SLC35G2: variants seen among roughly 807,000 people sequenced by gnomAD.
SLC35G2 encodes transmembrane protein 22.
Under a neutral mutation model 27.2 loss-of-function variants are expected in SLC35G2, and 20 were observed. That is an observed-to-expected ratio of 0.74 (90% CI 0.52 to 1.07). SLC35G2 has a LOEUF of 1.07. Among genes scored for constraint, SLC35G2 ranks in the 50% least tolerant of loss-of-function variants. The pLI, the probability that SLC35G2 is intolerant of heterozygous loss-of-function variation, is 0.00. For synonymous variants in SLC35G2, 148 were observed against 165.3 expected, an observed-to-expected ratio of 0.90 and a Z score of 0.80; for missense variants, 416 against 493.3, an observed-to-expected ratio of 0.84 and a Z score of 1.48.
intron 1 of SLC35G2, among the ~76,000 whole-genome samples, chr3:136,853,324 A>T (rs905577555): frequency 1.3e-5 from 2 of 151,778 alleles, no homozygotes; most frequent in Non-Finnish European, 2.9e-5. Context: ...AACTCCTCTC[A>T]AACTTCTGGC....
intron 1 of SLC35G2, chr3:136,820,538 A>G (rs1936429970): frequency 6.6e-6 from 1 of 152,196 alleles, no homozygotes; most frequent in Admixed American, 6.5e-5. Context: ...TGCATAACAG[A>G]TTTTATTACC....
intron 1 of SLC35G2, among the ~76,000 whole-genome samples, chr3:136,836,052 T>C (rs1450520860): frequency 6.6e-6 from 1 of 152,200 alleles, no homozygotes; most frequent in Non-Finnish European, 1.5e-5. Context: ...AAGATCTGGA[T>C]GCTAGGTGTG....
At chr3:136,822,972 T>TGAGGTTCTA (rs1399704468) in intron 1 of SLC35G2, among the ~76,000 whole-genome samples, 1 of 152,232 alleles carries the variant, frequency 6.6e-6, no homozygotes, top group Non-Finnish European at 1.5e-5. Context: ...TTTTATTTTT[T>TGAGGTTCTA]TGAGGCACCT....
Position 136,855,135 on chromosome 3 carries a change from A to T in SLC35G2, c.675A>T (p.Thr225=). The T allele has an allele frequency of 6.2e-7, 1 of 1,614,192 alleles. No homozygotes were observed. Among genetic ancestry groups the T allele is most frequent in the South Asian group, 1.1e-5 (1 of 91,084 alleles). Residue 225 remains threonine (T), a synonymous_variant, in exon 2 of 2, where the codon ACA becomes ACT. Transcript: ENST00000446465. ...DEKMAYVDMA[T]VVCSILGVCL... ...AAATGGCTTATGTTGACATGGCTAC[A>T]GTTGTTTGCAGCATCTTAGGTGTTT...
chr3:136,821,527 A>G (rs1469669465), intron 1 of SLC35G2, among the ~76,000 whole-genome samples: 3 of 152,074 alleles, frequency 2.0e-5, no homozygotes, highest in Non-Finnish European at 4.4e-5. Flanking sequence ...GCTCACTGCA[A>G]CCTCTGCCTC....
At chr3:136,849,291 G>C (rs375936514) in intron 1 of SLC35G2, among the ~76,000 whole-genome samples, 12 of 151,552 alleles carry the variant, frequency 7.9e-5, no homozygotes, top group Admixed American at 5.9e-4. Flanking sequence ...TTTTTATTGC[G>C]TGCTAAATAT....
At chr3:136,832,755 G>A (rs560397736) in intron 1 of SLC35G2, among the ~76,000 whole-genome samples, 4 of 152,190 alleles carry the variant, frequency 2.6e-5, no homozygotes, top group Admixed American at 6.5e-5. Flanking sequence ...TATAGAAACT[G>A]AGGAGAGTGG....
chr3:136,854,184 T>C (rs1266048368), intron 1 of SLC35G2, among the ~76,000 whole-genome samples: 2 of 152,064 alleles, frequency 1.3e-5, no homozygotes, highest in African/African-American at 2.4e-5. Context: ...GGTATAAAGA[T>C]AGAAGATAGA....
At chr3:136,839,661 A>G (rs778243992) in intron 1 of SLC35G2, among the ~76,000 whole-genome samples, 1 of 151,914 alleles carries the variant, frequency 6.6e-6, no homozygotes, top group African/African-American at 2.4e-5. Flanking sequence ...CTTTTCCCCT[A>G]TACCTTCTGC....
At chr3:136,849,840 C>T (rs1055890445) in intron 1 of SLC35G2, among the ~76,000 whole-genome samples, 1 of 151,846 alleles carries the variant, frequency 6.6e-6, no homozygotes, top group African/African-American at 2.4e-5. Context: ...CGTGGTGGCT[C>T]ATGCCTGTGA....
chr3:136,845,261 GAAT>G (rs1937321094), intron 1 of SLC35G2, among the ~76,000 whole-genome samples: 1 of 152,120 alleles, frequency 6.6e-6, no homozygotes, highest in Non-Finnish European at 1.5e-5. Context: ...TTTGTAATAG[GAAT>G]AAACAAAATG....
At chr3:136,821,510 G>C (rs1936455851) in intron 1 of SLC35G2, among the ~76,000 whole-genome samples, 1 of 152,076 alleles carries the variant, frequency 6.6e-6, no homozygotes, top group Admixed American at 6.6e-5. Flanking sequence ...GCAGTGACGT[G>C]CTCTCCGCTC....
intron 1 of SLC35G2, among the ~76,000 whole-genome samples, chr3:136,824,022 G>A (rs1031423546): frequency 1.3e-5 from 2 of 152,092 alleles, no homozygotes. Flanking sequence ...TGGAAAATGA[G>A]TTTACTGTAG....
intron 1 of SLC35G2, among the ~76,000 whole-genome samples, chr3:136,831,353 A>G (rs1356296289): frequency 6.6e-6 from 1 of 152,254 alleles, no homozygotes; most frequent in Non-Finnish European, 1.5e-5. Flanking sequence ...TCTCCAAAGC[A>G]TATCAGCTAA....
At chr3:136,825,570 G>A (rs1936565044) in intron 1 of SLC35G2, among the ~76,000 whole-genome samples, 1 of 152,100 alleles carries the variant, frequency 6.6e-6, no homozygotes, top group Non-Finnish European at 1.5e-5. Flanking sequence ...GCTGGGATAT[G>A]TTCCTTCTGT....
chr3:136,842,833 C>T (rs1041003541), intron 1 of SLC35G2: 2 of 152,206 alleles, frequency 1.3e-5, no homozygotes, highest in African/African-American at 4.8e-5. Flanking sequence ...GGCATGTTCC[C>T]TTTAGATGGT....
intron 1 of SLC35G2, among the ~76,000 whole-genome samples, chr3:136,829,276 C>T (rs1272491678): frequency 2.0e-5 from 3 of 151,786 alleles, no homozygotes; most frequent in Admixed American, 1.3e-4. Flanking sequence ...GGCTGGAGTG[C>T]AGTGGCGCCA....
intron 1 of SLC35G2, chr3:136,838,985 T>C (rs1054157435): frequency 1.3e-5 from 2 of 152,198 alleles, no homozygotes; most frequent in African/African-American, 4.8e-5. Flanking sequence ...ACATAAAAAA[T>C]CATGGAAATA....
chr3:136,845,189 G>T (rs764681786), intron 1 of SLC35G2, among the ~76,000 whole-genome samples: 6 of 152,176 alleles, frequency 3.9e-5, no homozygotes, highest in Non-Finnish European at 8.8e-5. Context: ...AGGATTATGA[G>T]TGATTTTTAT....
Sources: allele counts gnomAD v4.1 joint callset (sites outside exome capture counted in the v4.1 genomes callset), GRCh38; gene constraint gnomAD v4.1.1; transcripts MANE v1.5; gene names NCBI Gene and HGNC (gene_info 2026-07-23, HGNC 2026-07-21).